The following MIB1 variants were observed in gnomAD, a reference collection of about 807,000 sequenced individuals.
MIB1 encodes the protein E3 ubiquitin-protein ligase MIB1.
A neutral mutation model predicts 124.5 loss-of-function variants in MIB1; 278 were observed. That is an observed-to-expected ratio of 2.23 (90% CI 2.02 to 2.47). The LOEUF is 2.47. Ranked by LOEUF, MIB1 falls within the 30% of genes most tolerant of loss-of-function variation. MIB1 has a pLI of 0.00. For missense variants in MIB1, 957 were observed against 1,254.4 expected (o/e 0.76, Z 3.58); for synonymous variants, 446 against 429.4 (o/e 1.04, Z -0.48).
At chr18:21,821,753 C>T (rs1347724305) in intron 12 of MIB1, among the ~76,000 whole-genome samples, 2 of 152,020 alleles carry the variant, frequency 1.3e-5, no homozygotes, top group Non-Finnish European at 2.9e-5. Flanking sequence ...CTCCCACCAC[C>T]ATGCCCGGCT....
At chr18:21,774,273 G>A (rs1256367905) in intron 4 of MIB1, among the ~76,000 whole-genome samples, 2 of 152,146 alleles carry the variant, frequency 1.3e-5, no homozygotes, top group Non-Finnish European at 2.9e-5. Flanking sequence ...CTATGTTTTT[G>A]TATTTCATGG....
At chr18:21,742,236 A>C (rs1374847823) in intron 1 of MIB1, among the ~76,000 whole-genome samples, 1 of 150,530 alleles carries the variant, frequency 6.6e-6, no homozygotes, top group Non-Finnish European at 1.5e-5. Flanking sequence ...ACCGTTTATA[A>C]TTGCCAAGGG....
intron 1 of MIB1, among the ~76,000 whole-genome samples, chr18:21,749,432 A>G (rs1385373504): frequency 6.6e-6 from 1 of 152,138 alleles, no homozygotes; most frequent in Non-Finnish European, 1.5e-5. Flanking sequence ...TTTAAACAAC[A>G]CTGCAACAAG....
At chr18:21,742,210 A>G (rs543351096) in intron 1 of MIB1, among the ~76,000 whole-genome samples, 1 of 151,766 alleles carries the variant, frequency 6.6e-6, no homozygotes, top group African/African-American at 2.4e-5. Flanking sequence ...TTGCTTTGCC[A>G]TATGGTGCTC....
At chr18:21,819,741 A>C in intron 12 of MIB1, 95 bp downstream of exon 12, 3 of 848,894 alleles carry the variant, frequency 3.5e-6, no homozygotes, top group Non-Finnish European at 5.0e-6. Context: ...AATTTTGGCT[A>C]TTTTAGTATT....
chr18:21,748,731 T>A, intron 1 of MIB1, among the ~76,000 whole-genome samples: 1 of 81,534 alleles, frequency 1.2e-5, no homozygotes, highest in Admixed American at 1.1e-4. Context: ...ATGCCCAGCC[T>A]TTTTTTTTTT....
intron 13 of MIB1, among the ~76,000 whole-genome samples, chr18:21,842,292 C>G (rs1159137814): frequency 6.6e-6 from 1 of 152,072 alleles, no homozygotes; most frequent in Non-Finnish European, 1.5e-5. Flanking sequence ...GTTCTAAGAC[C>G]TAAACGAAAT....
At chr18:21,796,873 C>T (rs909801833) in intron 7 of MIB1, among the ~76,000 whole-genome samples, 5 of 152,092 alleles carry the variant, frequency 3.3e-5, no homozygotes, top group East Asian at 1.9e-4. Flanking sequence ...AGAGGGCTGA[C>T]GAGTTATTAA....
At chr18:21,768,514 T>C (rs2041189634) in intron 2 of MIB1, 109 bp from the exon 3 acceptor site, 1 of 764,308 alleles carries the variant, frequency 1.3e-6, no homozygotes, top group Non-Finnish European at 2.0e-6. Flanking sequence ...ACCAGAACAA[T>C]GAAGAATCTT....
At chr18:21,861,367 A>G (rs764704306) in intron 20 of MIB1, among the ~76,000 whole-genome samples, 13 of 152,176 alleles carry the variant, frequency 8.5e-5, no homozygotes, top group South Asian at 2.1e-4. Context: ...CATCTACAGA[A>G]TAAGCTGAGT....
At chr18:21,810,702 A>G (rs1018640073) in intron 10 of MIB1, among the ~76,000 whole-genome samples, 7 of 151,738 alleles carry the variant, frequency 4.6e-5, no homozygotes, top group Non-Finnish European at 8.8e-5. Context: ...TAAAGTAGGA[A>G]CCTTACCTAA....
At chr18:21,742,268 G>A (rs1568182507) in intron 1 of MIB1, among the ~76,000 whole-genome samples, 1 of 149,618 alleles carries the variant, frequency 6.7e-6, no homozygotes, top group Non-Finnish European at 1.5e-5. Flanking sequence ...TCGGATTTGT[G>A]GAGATGCCTT....
intron 1 of MIB1, among the ~76,000 whole-genome samples, chr18:21,709,113 G>A (rs1240950458): frequency 4.6e-5 from 7 of 152,014 alleles, no homozygotes; most frequent in East Asian, 3.9e-4. Context: ...TCAGGAGATC[G>A]AGACAATCCT....
intron 3 of MIB1, 48 bp from the exon 4 acceptor site, chr18:21,773,576 C>G: frequency 2.3e-4 from 261 of 1,157,534 alleles, no homozygotes; most frequent in Non-Finnish European, 3.0e-4. Flanking sequence ...GAACTAAGCT[C>G]TTCCCTCCCC....
chr18:21,750,906 G>T (rs2040967437), intron 1 of MIB1, among the ~76,000 whole-genome samples: 1 of 152,022 alleles, frequency 6.6e-6, no homozygotes, highest in African/African-American at 2.4e-5. Flanking sequence ...TATGTTGTAA[G>T]ATTTGCTCAG....
At position 21,740,970 on chromosome 18, in the gene MIB1, C is replaced by T. The variant is rs947673309; in HGVS notation, c.-614C>T. 1.3e-5 allele frequency among the ~76,000 whole-genome samples: 2 copies of T among 152,204 alleles called. No individual in the cohort carries two copies. Among genetic ancestry groups the T allele is most frequent in the African/African-American group, 4.8e-5 (2 of 41,466 alleles). ...ACCCGGATGTGGAGTCGCTCTCGCC[C>T]GGCTGGGACTCTGTGGCGGGGCGGA... On this transcript the variant is annotated 5_prime_UTR_variant, in exon 1 of 21. Coordinates refer to ENST00000261537, the MANE Select transcript of MIB1 (RefSeq NM_020774.4).
chr18:21,840,655 ATATATATATATTTTT>A (rs1382788911), intron 13 of MIB1, among the ~76,000 whole-genome samples: 76 of 3,656 alleles, frequency 0.021, 2 homozygotes, highest in South Asian at 0.083. Flanking sequence ...ATATATATAT[ATATATATATATTTTT>A]TTTTTTTTTT....
intron 13 of MIB1, among the ~76,000 whole-genome samples, chr18:21,841,853 A>G (rs1439566133): frequency 6.6e-6 from 1 of 152,144 alleles, no homozygotes; most frequent in Admixed American, 6.5e-5. Flanking sequence ...AAATTGTGCA[A>G]ATTGTGGTGC....
chr18:21,863,299 C>T (rs149062781), intron 20 of MIB1, among the ~76,000 whole-genome samples: 2 of 152,346 alleles, frequency 1.3e-5, no homozygotes, highest in East Asian at 1.9e-4. Context: ...GGTAGCTGCC[C>T]TCCGCCAGTG....
Sources: gnomAD v4.1 joint callset for allele counts (sites outside exome capture counted in the v4.1 genomes callset) on GRCh38, gnomAD v4.1.1 for gene constraint, MANE v1.5 for transcripts, NCBI Gene and HGNC (gene_info 2026-07-23, HGNC 2026-07-21) for gene names.